The following RAPH1 variants were observed in gnomAD, a reference collection of about 807,000 sequenced individuals.
RAPH1 encodes Ras association (RalGDS/AF-6) and pleckstrin homology domains 1.
RAPH1 carries 18 observed loss-of-function variants against 88.1 expected under a neutral mutation model. The ratio of observed to expected loss-of-function variants is 0.20; its 90% CI spans 0.14 to 0.30. The LOEUF is 0.30. RAPH1 is among the 10% of genes least tolerant of loss of function. RAPH1 has a pLI of 1.00. For synonymous variants in RAPH1, 587 were observed against 559.0 expected (o/e 1.05, Z -0.71); for missense variants, 1,448 against 1,543.2 (o/e 0.94, Z 1.03).
intron 10 of RAPH1, among the ~76,000 whole-genome samples, chr2:203,450,897 G>GTTT (rs561396388): frequency 7.0e-6 from 1 of 141,910 alleles, no homozygotes; most frequent in Non-Finnish European, 1.5e-5. Flanking sequence ...CAAAAAGAGG[G>GTTT]TTTTTTTTTT....
intron 1 of RAPH1, among the ~76,000 whole-genome samples, chr2:203,506,798 ATATATATCTATATC>A (rs1268625316): frequency 3.0e-4 from 20 of 67,312 alleles, no homozygotes; most frequent in East Asian, 1.2e-3. Context: ...ATATATCTAT[ATATATATCTATATC>A]TATATATCTA....
At chr2:203,513,923 C>T (rs1311947021) in intron 1 of RAPH1, among the ~76,000 whole-genome samples, 1 of 151,866 alleles carries the variant, frequency 6.6e-6, no homozygotes, top group African/African-American at 2.4e-5. Flanking sequence ...CAGCTCACTG[C>T]AGCCTCCACC....
At chr2:203,443,640 T>TAAAAAA (rs36006623) in intron 13 of RAPH1, 1 of 141,302 alleles carries the variant, frequency 7.1e-6, no homozygotes, top group African/African-American at 2.6e-5. Context: ...GCAAAAGCAT[T>TAAAAAA]AAAAAAAAAA....
chr2:203,445,294 T>C (rs546368137), intron 12 of RAPH1: 1 of 301,304 alleles, frequency 3.3e-6, no homozygotes, highest in South Asian at 9.1e-5. Flanking sequence ...ACACCCAGTC[T>C]TGCATGAAAT....
At position 203,535,258 on chromosome 2, in the gene RAPH1, G is replaced by GTAAC. The variant is rs1553634692; in HGVS notation, c.-149_-148insGTTA. 4 of 146,522 alleles carry GTAAC rather than the reference G, an allele frequency of 2.7e-5. No individual in the cohort carries two copies. The highest frequency in any genetic ancestry group is 2.7e-4 in the Admixed American group (4 of 14,760). The allele number at this position is 146,522 out of a possible 1,614,324, so 9.1% of individuals were successfully genotyped here. A position where few individuals can be genotyped will look rare whatever the true frequency, so the allele number is the denominator to read the frequency against. On this transcript the variant is annotated 5_prime_UTR_variant, in exon 1 of 14. Coordinates refer to ENST00000319170, the MANE Select transcript of RAPH1 (RefSeq NM_213589.3). The stretch of plus-strand genomic sequence containing the variant: ...CAGCAGCTCCCGCGCCGCGCGCTCA[G>GTAAC]TGACTGACTGACTGACTGACTGACT...
Position 203,439,379 on chromosome 2 carries a change from C to T in RAPH1, c.*58G>A, listed in dbSNP as rs2098501129. ...CTGAACACCTGAATTCACAGATGATCAGGTGAGCTGATTGTAGCAGTGATT... is the reference window on the plus strand; with the variant it reads ...CTGAACACCTGAATTCACAGATGATTAGGTGAGCTGATTGTAGCAGTGATT... On this transcript the variant is annotated 3_prime_UTR_variant, in exon 14 of 14. Coordinates refer to ENST00000319170, the MANE Select transcript of RAPH1 (RefSeq NM_213589.3). The T allele has an allele frequency of 6.6e-7, 1 of 1,516,214 alleles. No individual in the cohort carries two copies. Among genetic ancestry groups the T allele is most frequent in the African/African-American group, 1.4e-5 (1 of 72,892 alleles). 93.9% of individuals were successfully genotyped at this position (1,516,214 alleles called of 1,614,324 possible). A position where few individuals can be genotyped will look rare whatever the true frequency, so the allele number is the denominator to read the frequency against.
At position 203,439,918 on chromosome 2, in the gene RAPH1, G is replaced by A. The variant is rs1264171692; in HGVS notation, c.3272C>T (p.Ala1091Val). 1.2e-6 allele frequency: 2 copies of A among 1,614,006 alleles called. No individual in the cohort carries two copies. Among genetic ancestry groups the A allele is most frequent in the Non-Finnish European group, 1.7e-6 (2 of 1,180,000 alleles). ...ELPLPPIEIP[A>V]VFSGNTSPKV... is the part of the protein sequence containing the mutation. ...TGGAGAGGTGTTTCCCGAGAAAACT[G>A]CTGGAATCTCAATGGGGGGCAGAGG... The change falls in exon 14 of 14, where the codon GCA (alanine) becomes GTA (valine). Residue 1091 changes from alanine (A) to valine (V), a missense_variant. Ala to Val is a moderately conservative substitution (Grantham distance 64). This residue lies in a region of RAPH1 where 935 missense variants were observed against 890.1 expected (regional missense o/e 1.05). Transcript: ENST00000319170.
intron 1 of RAPH1, among the ~76,000 whole-genome samples, chr2:203,500,358 G>A (rs1348037646): frequency 6.6e-6 from 1 of 152,176 alleles, no homozygotes; most frequent in Non-Finnish European, 1.5e-5. Flanking sequence ...AGAACAACAT[G>A]TTAGAACTCA....
Position 203,439,238 on chromosome 2 carries a change from CATACAT to C in RAPH1, c.*193_*198del, listed in dbSNP as rs1045971057. 87 of 558,184 alleles carry C rather than the reference CATACAT, an allele frequency of 1.6e-4. No individual in the cohort carries two copies. In the South Asian group the frequency reaches 2.1e-3, roughly 14 times the overall value. 34.6% of individuals were successfully genotyped at this position (558,184 alleles called of 1,614,324 possible). A position where few individuals can be genotyped will look rare whatever the true frequency, so the allele number is the denominator to read the frequency against. ...AGCTCTCTCTCTATATACACATACA[CATACAT>C]ATATGTATACATATATACACACACT... is the stretch of plus-strand genomic sequence containing the variant. On this transcript the variant is annotated 3_prime_UTR_variant, in exon 14 of 14. Transcript: ENST00000319170.
chr2:203,441,433 G>T lies in RAPH1; in HGVS notation c.1777-20C>A, dbSNP rs776267859. 1 of 1,510,978 alleles carries T rather than the reference G, an allele frequency of 6.6e-7. No individual in the cohort carries two copies. Among genetic ancestry groups the T allele is most frequent in the South Asian group, 1.4e-5 (1 of 72,724 alleles). The allele number at this position is 1,510,978 out of a possible 1,614,324, so 93.6% of individuals were successfully genotyped here. ...TCTGGCCTAAAAGGAGTATAAAAAG[G>T]GAGTGGGAGAGAGAAAAACACAACA... On this transcript the variant is annotated intron_variant, in intron 13 of 13. Transcript: ENST00000319170.
chr2:203,436,641 A>T lies in RAPH1; in HGVS notation c.*2796T>A, dbSNP rs986717996. 5 of 152,220 alleles carry T rather than the reference A, an allele frequency of 3.3e-5. No individual in the cohort carries two copies. The highest frequency in any genetic ancestry group is 7.3e-5 in the Non-Finnish European group (5 of 68,052). 9.4% of individuals were successfully genotyped at this position (152,220 alleles called of 1,614,324 possible). A position where few individuals can be genotyped will look rare whatever the true frequency, so the allele number is the denominator to read the frequency against. On this transcript the variant is annotated 3_prime_UTR_variant, in exon 14 of 14. Coordinates refer to ENST00000319170, the MANE Select transcript of RAPH1 (RefSeq NM_213589.3). ...TGTTTGCACTGCCCTCAGCAGCAGGATGAGTTAATCCATGCTGTTCACTTT... is the reference window on the plus strand; with the variant it reads ...TGTTTGCACTGCCCTCAGCAGCAGGTTGAGTTAATCCATGCTGTTCACTTT...
At chr2:203,442,114 T>C (rs1581247072) in intron 13 of RAPH1, 1 of 1,573,862 alleles carries the variant, frequency 6.4e-7, no homozygotes, top group Non-Finnish European at 8.6e-7. Context: ...TTTGTAAACA[T>C]TATAGCAAAA....
chr2:203,442,123 A>G (rs775166262), intron 13 of RAPH1: 21 of 1,553,500 alleles, frequency 1.4e-5, no homozygotes, highest in Non-Finnish European at 1.8e-5. Flanking sequence ...ATTATAGCAA[A>G]AGACTGTAAA....
At chr2:203,526,341 T>G (rs1690112520) in intron 1 of RAPH1, among the ~76,000 whole-genome samples, 1 of 152,208 alleles carries the variant, frequency 6.6e-6, no homozygotes, top group African/African-American at 2.4e-5. Flanking sequence ...TTGCTGAAAT[T>G]ATCTACTTTC....
At chr2:203,530,280 T>C (rs906455582) in intron 1 of RAPH1, among the ~76,000 whole-genome samples, 1 of 152,192 alleles carries the variant, frequency 6.6e-6, no homozygotes, top group Admixed American at 6.5e-5. Context: ...CTCAAATATA[T>C]AAAGCTGGCA....
chr2:203,442,971 T>G (rs952035347), intron 13 of RAPH1: 1 of 152,182 alleles, frequency 6.6e-6, no homozygotes, highest in South Asian at 2.1e-4. Context: ...TCCATCCAAA[T>G]TGATTAAATG....
At chr2:203,479,956 CG>C (rs1337666232) in intron 4 of RAPH1, among the ~76,000 whole-genome samples, 3 of 151,872 alleles carry the variant, frequency 2.0e-5, no homozygotes, top group African/African-American at 7.3e-5. Flanking sequence ...GCTCAAAATA[CG>C]TAACAAAAAT....
rs1687705299 is a variant in RAPH1, at chr2:203,481,210, C to T, written c.732+8374G>A. Among the ~76,000 whole-genome samples, 3 of 152,074 alleles carry T rather than the reference C, an allele frequency of 2.0e-5. No homozygotes were observed. The South Asian group carries it at 6.2e-4, about 32-fold the overall frequency. ...GGCTCTGAGAGCACTGGCCAGTCTA[C>T]TTGTCTTGATTTTCCTTCAGTTCTG... On this transcript the variant is annotated intron_variant, in intron 4 of 13. Coordinates refer to ENST00000319170, the MANE Select transcript of RAPH1 (RefSeq NM_213589.3).
At chr2:203,507,533 G>A (rs914967154) in intron 1 of RAPH1, among the ~76,000 whole-genome samples, 2 of 152,106 alleles carry the variant, frequency 1.3e-5, no homozygotes, top group East Asian at 3.9e-4. Flanking sequence ...CAACATCAGA[G>A]GGTTCCAGTT....
Sources: allele counts gnomAD v4.1 joint callset (sites outside exome capture counted in the v4.1 genomes callset), GRCh38; gene constraint gnomAD v4.1.1; regional missense constraint gnomAD v4.1.1; transcripts MANE v1.5; gene names NCBI Gene and HGNC (gene_info 2026-07-23, HGNC 2026-07-21).